DNAH9: variants seen among roughly 807,000 people sequenced by gnomAD.
The protein encoded by DNAH9 is dynein axonemal heavy chain 9, also known as DNAH9 variant protein.
DNAH9 carries 345 observed loss-of-function variants against 471.6 expected under a neutral mutation model. The observed-to-expected ratio is 0.73, with a 90% CI of 0.67 to 0.80. DNAH9 has a LOEUF of 0.80. Ranked by LOEUF, DNAH9 falls within the 30% of genes least tolerant of loss-of-function variation. DNAH9 has a pLI of 0.00. For missense variants in DNAH9, 5,407 were observed against 5,609.2 expected, an observed-to-expected ratio of 0.96 and a Z score of 1.15; for synonymous variants, 2,093 against 2,123.6, an observed-to-expected ratio of 0.99 and a Z score of 0.40.
At chr17:11,651,458 T>A (rs1273239157) in intron 13 of DNAH9, 134 bp downstream of exon 13, 12 of 890,910 alleles carry the variant, frequency 1.3e-5, no homozygotes, top group Non-Finnish European at 2.0e-5. Context: ...CTTTGACACA[T>A]ATCCAAGCAG....
At chr17:11,605,674 A>ATTTTTTTTTTTTTTTTTTTTTTT (rs59748847) in intron 1 of DNAH9, among the ~76,000 whole-genome samples, 2 of 145,004 alleles carry the variant, frequency 1.4e-5, no homozygotes, top group African/African-American at 5.2e-5. Flanking sequence ...CAATTTTTCT[A>ATTTTTTTTTTTTTTTTTTTTTTT]TTTTTTTTTT....
At position 11,757,662 on chromosome 17, in the gene DNAH9, T is replaced by G; in HGVS notation, c.6965T>G (p.Leu2322Arg). The G allele has an allele frequency of 6.2e-7, 1 of 1,614,024 alleles. No homozygotes were observed. Among genetic ancestry groups the G allele is most frequent in the Non-Finnish European group, 8.5e-7 (1 of 1,180,010 alleles). ...TTAACCATTTTGTTCGACAAGTATCTTCCAACCTGCCTAGACACACTCAGA... is the reference window on the plus strand; with the variant it reads ...TTAACCATTTTGTTCGACAAGTATCGTCCAACCTGCCTAGACACACTCAGA... ...ANLTILFDKY[L>R]PTCLDTLRTR... is the part of the protein sequence containing the mutation. The change falls in exon 35 of 69, where the codon CTT becomes CGT. Residue 2322 changes from leucine (L) to arginine (R), a missense_variant. Physicochemically the swap from Leu to Arg is moderately radical, Grantham distance 102. Around this residue, in one of 3 missense-constraint regions of DNAH9, gnomAD observed 4,636 missense variants for 4,900.3 expected, o/e 0.95. Transcript: ENST00000262442.
At chr17:11,729,844 G>A (rs569403478) in intron 28 of DNAH9, among the ~76,000 whole-genome samples, 31 of 152,340 alleles carry the variant, frequency 2.0e-4, no homozygotes, top group Non-Finnish European at 4.1e-4. Context: ...ACGTGGGGCT[G>A]TGGGTGGGGC....
intron 49 of DNAH9, among the ~76,000 whole-genome samples, chr17:11,844,052 CA>C (rs1388425035): frequency 2.7e-5 from 4 of 146,476 alleles, no homozygotes; most frequent in African/African-American, 7.5e-5. Flanking sequence ...AATAAATGGA[CA>C]AAACAGTATT....
At chr17:11,619,980 G>T (rs2072821518) in intron 6 of DNAH9, 199 bp downstream of exon 6, 3 of 566,092 alleles carry the variant, frequency 5.3e-6, no homozygotes, top group South Asian at 4.5e-5. Context: ...GGAGGCAAAG[G>T]TGGGTGGATT....
chr17:11,657,089 A>G (rs1056959753), intron 14 of DNAH9, among the ~76,000 whole-genome samples: 1 of 152,146 alleles, frequency 6.6e-6, no homozygotes, highest in Non-Finnish European at 1.5e-5. Context: ...ATTTCTCTTG[A>G]GAACTGCAGG....
At chr17:11,680,272 T>C (rs1391512898) in intron 18 of DNAH9, among the ~76,000 whole-genome samples, 1 of 151,158 alleles carries the variant, frequency 6.6e-6, no homozygotes, top group Non-Finnish European at 1.5e-5. Context: ...TGAAATATGT[T>C]AAGATGGTCC....
At chr17:11,616,346 T>C (rs1275738416) in intron 4 of DNAH9, among the ~76,000 whole-genome samples, 1 of 152,182 alleles carries the variant, frequency 6.6e-6, no homozygotes, top group Non-Finnish European at 1.5e-5. Context: ...TTAGGATGAA[T>C]GCAGAGCTTC....
chr17:11,852,232 T>A (rs9905647), intron 49 of DNAH9, among the ~76,000 whole-genome samples: 79,204 of 152,098 alleles, frequency 0.52, 21,268 homozygotes, highest in African/African-American at 0.6. Context: ...TGAAATCAAG[T>A]TGTCCCCCCA....
chr17:11,725,318 C>T (rs2075132645), intron 27 of DNAH9, among the ~76,000 whole-genome samples: 1 of 152,180 alleles, frequency 6.6e-6, no homozygotes, highest in African/African-American at 2.4e-5. Flanking sequence ...ATGTCACCCT[C>T]ATTTTAAGAC....
At position 11,721,620 on chromosome 17, in the gene DNAH9, GGAGA is replaced by G. The variant is rs146026495; in HGVS notation, c.5709+2145_5709+2148del. Among the ~76,000 whole-genome samples the G allele has an allele frequency of 6.7e-3, 1,012 of 150,714 alleles. 13 individuals carry two copies. The highest frequency in any genetic ancestry group is 0.023 in the African/African-American group (928 of 41,144). Reference sequence around the variant, plus strand: ...AAACAGATCATATGGGGAGAGAGAGGGAGAGAGAGAGAGAGAGATGGATGGAGGA... The same window carrying G: ...AAACAGATCATATGGGGAGAGAGAGGGAGAGAGAGAGAGATGGATGGAGGA... On this transcript the variant is annotated intron_variant, in intron 27 of 68. Transcript: ENST00000262442.
intron 38 of DNAH9, among the ~76,000 whole-genome samples, chr17:11,777,691 T>C (rs1968489616): frequency 6.6e-6 from 1 of 152,240 alleles, no homozygotes; most frequent in Non-Finnish European, 1.5e-5. Context: ...AAAATGAATC[T>C]CTGTAACCTG....
chr17:11,842,497 A>G (rs1348853454), intron 49 of DNAH9, among the ~76,000 whole-genome samples: 7 of 152,194 alleles, frequency 4.6e-5, no homozygotes, highest in Non-Finnish European at 2.9e-5. Flanking sequence ...ACAATAGGCT[A>G]TCTGCAAGCT....
chr17:11,735,499 G>A (rs567952219), intron 28 of DNAH9, among the ~76,000 whole-genome samples: 31 of 152,040 alleles, frequency 2.0e-4, no homozygotes, highest in Non-Finnish European at 3.5e-4. Flanking sequence ...GCAGTGGCGC[G>A]ATCTCGGCTC....
rs1967215038 is a variant in DNAH9 at position 11,752,809 on chromosome 17, T to C, written c.6611-24T>C. ...AGAGGATTAATGAAGAAATGGAAAA[T>C]AAGGTGTCAGTGGTTCCTTTTAGGA... is the stretch of plus-strand genomic sequence containing the variant. On this transcript the variant is annotated intron_variant, in intron 32 of 68. Transcript: ENST00000262442. 3.9e-6 allele frequency: 6 copies of C among 1,526,122 alleles called. No homozygotes were observed. In the African/African-American group the frequency reaches 6.9e-5, roughly 18 times the overall value. The allele number at this position is 1,526,122 out of a possible 1,614,324, so 94.5% of individuals were successfully genotyped here. A position where few individuals can be genotyped will look rare whatever the true frequency, so the allele number is the denominator to read the frequency against.
intron 2 of DNAH9, among the ~76,000 whole-genome samples, chr17:11,610,005 G>A (rs1024338963): frequency 2.0e-5 from 3 of 152,232 alleles, no homozygotes; most frequent in Non-Finnish European, 2.9e-5. Context: ...TTGTGAAGTC[G>A]AGAGCTTGCT....
At chr17:11,616,016 C>T (rs2072734725) in intron 4 of DNAH9, among the ~76,000 whole-genome samples, 1 of 152,166 alleles carries the variant, frequency 6.6e-6, no homozygotes, top group Non-Finnish European at 1.5e-5. Context: ...TTTCCACAAC[C>T]TTATTTGGGA....
intron 18 of DNAH9, among the ~76,000 whole-genome samples, chr17:11,680,282 C>T (rs1174427535): frequency 6.6e-6 from 1 of 151,010 alleles, no homozygotes; most frequent in African/African-American, 2.4e-5. Flanking sequence ...TAAGATGGTC[C>T]AAGAGGTAAT....
rs146734343 is a variant in DNAH9 at position 11,807,866 on chromosome 17, G to T, written c.8555G>T (p.Arg2852Leu). 6.2e-7 allele frequency: 1 copy of T among 1,612,170 alleles called. No individual in the cohort carries two copies. Among genetic ancestry groups the T allele is most frequent in the East Asian group, 2.2e-5 (1 of 44,846 alleles). ...SSMDVFQITL[R>L]KGYQIQDFKM... ...ATGGATGTCTTCCAGATCACACTGCGCAAAGGCTACCAGATCCAGGACTTC... is the reference window on the plus strand; with the variant it reads ...ATGGATGTCTTCCAGATCACACTGCTCAAAGGCTACCAGATCCAGGACTTC... Residue 2852 changes from arginine (R) to leucine (L), a missense_variant, in exon 44 of 69, where the codon CGC becomes CTC. Physicochemically the swap from Arg to Leu is moderately radical, Grantham distance 102. Transcript: ENST00000262442.
Sources: allele counts gnomAD v4.1 joint callset (sites outside exome capture counted in the v4.1 genomes callset), GRCh38; gene constraint gnomAD v4.1.1; regional missense constraint gnomAD v4.1.1; transcripts MANE v1.5; gene names NCBI Gene and HGNC (gene_info 2026-07-23, HGNC 2026-07-21).